Variants in PATL1 observed in about 807,000 individuals in gnomAD.
The protein encoded by PATL1 is protein PAT1 homolog 1.
A neutral mutation model predicts 100.6 loss-of-function variants in PATL1; 32 were observed. That is an observed-to-expected ratio of 0.32 (90% CI 0.24 to 0.43). PATL1 has a LOEUF of 0.43. Among genes scored for constraint, PATL1 ranks in the 20% least tolerant of loss-of-function variants. The pLI is 1.00. For synonymous variants in PATL1, 332 were observed against 330.0 expected (o/e 1.01, Z -0.07); for missense variants, 747 against 949.9 (o/e 0.79, Z 2.81).
At chr11:59,652,064 CAAAAAAAAAAAAAAAAA>C (rs748019832) in intron 11 of PATL1, among the ~76,000 whole-genome samples, 5,089 of 53,264 alleles carry the variant, frequency 0.096, 252 homozygotes, top group Non-Finnish European at 0.094. Flanking sequence ...GGCTCTTTCT[CAAAAAAAAAAAAAAAAA>C]AAAAAAAAAA....
At chr11:59,650,002 T>A (rs1413676268) in intron 13 of PATL1, among the ~76,000 whole-genome samples, 3 of 151,788 alleles carry the variant, frequency 2.0e-5, no homozygotes, top group Non-Finnish European at 4.4e-5. Context: ...ATGCCTATAA[T>A]CCCAGCTACG....
At chr11:59,650,932 G>T in intron 12 of PATL1, 119 bp from the exon 13 acceptor site, 2 of 717,242 alleles carry the variant, frequency 2.8e-6, no homozygotes, top group Non-Finnish European at 4.5e-6. Context: ...TTCTCTGAAA[G>T]TTAATAATCT....
At position 59,652,144 on chromosome 11, in the gene PATL1, T is replaced by G. The variant is rs886172539; in HGVS notation, c.1426+320A>C. ...GCAACCCCTTATCAAAATCTATCCTTTCTCTCTGTTACAATAATTATCACA... is the reference window on the plus strand; with the variant it reads ...GCAACCCCTTATCAAAATCTATCCTGTCTCTCTGTTACAATAATTATCACA... On this transcript the variant is annotated intron_variant, in intron 11 of 18. Coordinates refer to ENST00000300146, the MANE Select transcript of PATL1 (RefSeq NM_152716.3). Among the ~76,000 whole-genome samples the G allele has an allele frequency of 8.4e-4, 5 of 5,986 alleles. No individual in the cohort carries two copies. The African/African-American group carries it at 0.012, about 14-fold the overall frequency. 3.9% of individuals were successfully genotyped at this position (5,986 alleles called of 152,430 possible). A position where few individuals can be genotyped will look rare whatever the true frequency, so the allele number is the denominator to read the frequency against.
chr11:59,655,036 T>A (rs1382705133), intron 8 of PATL1, among the ~76,000 whole-genome samples: 1 of 152,210 alleles, frequency 6.6e-6, no homozygotes, highest in Non-Finnish European at 1.5e-5. Context: ...TTTTACCTGT[T>A]TCTTGCCTGC....
chr11:59,645,205 C>A (rs1237181772), intron 15 of PATL1, among the ~76,000 whole-genome samples: 1 of 119,472 alleles, frequency 8.4e-6, no homozygotes, highest in Non-Finnish European at 1.7e-5. Context: ...CGGCAACCAT[C>A]CGATTTCTCA....
Position 59,639,387 on chromosome 11 carries a change from C to T in PATL1, c.2050-4G>A, listed in dbSNP as rs76129882. 0.043 allele frequency: 66,437 copies of T among 1,548,460 alleles called. 1,658 individuals carry two copies. The highest frequency in any genetic ancestry group is 0.05 in the Non-Finnish European group (56,720 of 1,145,808). On this transcript the variant is annotated splice_polypyrimidine_tract_variant and splice_region_variant and intron_variant, in intron 16 of 18. Coordinates refer to ENST00000300146, the MANE Select transcript of PATL1 (RefSeq NM_152716.3). ...TGAGGAGCAGTGACAGGCCAAACTA[C>T]GAGAAAAGACAGAGGGAATCAAACT...
chr11:59,650,866 T>C, intron 12 of PATL1, 53 bp from the exon 13 acceptor site: 1 of 1,250,786 alleles, frequency 8.0e-7, no homozygotes. Flanking sequence ...TTAAAATAAT[T>C]TACCAAGTGC....
intron 14 of PATL1, 122 bp downstream of exon 14, chr11:59,649,340 G>T: frequency 1.0e-6 from 1 of 982,526 alleles, no homozygotes; most frequent in Non-Finnish European, 1.5e-6. Flanking sequence ...AGGCTAAAAG[G>T]ATAGATTCTG....
intron 6 of PATL1, among the ~76,000 whole-genome samples, 155 bp downstream of exon 6, chr11:59,656,344 C>T (rs2134753976): frequency 6.6e-6 from 1 of 152,124 alleles, no homozygotes; most frequent in Admixed American, 6.5e-5. Flanking sequence ...GTCCTCTGAC[C>T]TGGGGACAAT....
intron 15 of PATL1, among the ~76,000 whole-genome samples, chr11:59,644,199 T>C (rs1861328566): frequency 6.6e-6 from 1 of 152,210 alleles, no homozygotes; most frequent in African/African-American, 2.4e-5. Flanking sequence ...ATTATCAACA[T>C]TTTGCCAATC....
chr11:59,655,381 C>G lies in PATL1; in HGVS notation c.1031+142G>C, dbSNP rs2099433222. ...ACAAGAAAGCCTGGAGATTGTCAAACATTTCCATGTTTGCCAACTTGAGGA... is the reference window on the plus strand; with the variant it reads ...ACAAGAAAGCCTGGAGATTGTCAAAGATTTCCATGTTTGCCAACTTGAGGA... On this transcript the variant is annotated intron_variant, in intron 8 of 18. Coordinates refer to ENST00000300146, the MANE Select transcript of PATL1 (RefSeq NM_152716.3). 4 of 794,936 alleles carry G rather than the reference C, an allele frequency of 5.0e-6. No homozygotes were observed. The South Asian group carries it at 7.9e-5, about 16-fold the overall frequency. The allele number at this position is 794,936 out of a possible 1,614,324, so 49.2% of individuals were successfully genotyped here.
At chr11:59,655,783 T>A (rs950519057) in intron 7 of PATL1, 43 bp from the exon 8 acceptor site, 5 of 1,499,182 alleles carry the variant, frequency 3.3e-6, no homozygotes, top group Non-Finnish European at 4.6e-6. Context: ...AATCAGCAAG[T>A]CCCCTTGCTT....
chr11:59,639,350 G>T lies in PATL1; in HGVS notation c.2083C>A (p.Arg695Ser), dbSNP rs201608276. 1.9e-6 allele frequency: 3 copies of T among 1,550,410 alleles called. No homozygotes were observed. The highest frequency in any genetic ancestry group is 2.6e-6 in the Non-Finnish European group (3 of 1,147,014). The change falls in exon 17 of 19, where the codon CGT becomes AGT. Residue 695 changes from arginine (R) to serine (S), a missense_variant. Physicochemically the swap from Arg to Ser is moderately radical, Grantham distance 110. Transcript: ENST00000300146. The stretch of plus-strand genomic sequence containing the variant: ...TCTGAACTCTGTAGGTCTTCACCAC[G>T]GCTCAGGAGGATGAGGAGCAGTGAC... Reference protein sequence around the residue: ...GLSLLLILLSRGEDLQSSDPA... With the variant: ...GLSLLLILLSSGEDLQSSDPA...
At chr11:59,650,647 A>T in intron 13 of PATL1, 107 bp downstream of exon 13, 1 of 770,754 alleles carries the variant, frequency 1.3e-6, no homozygotes, top group Non-Finnish European at 2.0e-6. Flanking sequence ...TTCATGAATT[A>T]AAACCAAAGA....
chr11:59,653,979 T>C lies in PATL1; in HGVS notation c.1121+4A>G. ...AGCCATAAAGGAATCGGATGAGTAC[T>C]TACCTTCTATTCTGTTGCTGTCTCT... is the stretch of plus-strand genomic sequence containing the variant. On this transcript the variant is annotated splice_donor_region_variant and intron_variant, in intron 9 of 18. Coordinates refer to ENST00000300146, the MANE Select transcript of PATL1 (RefSeq NM_152716.3). 1 of 1,605,854 alleles carries C rather than the reference T, an allele frequency of 6.2e-7. No individual in the cohort carries two copies. The highest frequency in any genetic ancestry group is 8.5e-7 in the Non-Finnish European group (1 of 1,172,464).
intron 14 of PATL1, among the ~76,000 whole-genome samples, chr11:59,648,515 TAAA>T (rs72322672): frequency 7.7e-6 from 1 of 130,184 alleles, no homozygotes; most frequent in Non-Finnish European, 1.7e-5. Context: ...AGCAACAGCT[TAAA>T]AAAAAAAAAA....
chr11:59,656,464 T>A, intron 6 of PATL1, 35 bp downstream of exon 6: 1 of 1,535,956 alleles, frequency 6.5e-7, no homozygotes, highest in Non-Finnish European at 9.0e-7. Context: ...AGAAAATACA[T>A]ACTGCACATT....
Position 59,652,938 on chromosome 11 carries a change from T to C in PATL1, c.1202A>G (p.Tyr401Cys), listed in dbSNP as rs779272896. The change falls in exon 10 of 19, where the codon TAT (tyrosine) becomes TGT (cysteine). Residue 401 changes from tyrosine (Y) to cysteine (C), a missense_variant. Tyr to Cys is a radical substitution (Grantham distance 194). Around this residue, in one of 4 missense-constraint regions of PATL1, gnomAD observed 434 missense variants for 596.1 expected, o/e 0.73. Coordinates refer to ENST00000300146, the MANE Select transcript of PATL1 (RefSeq NM_152716.3). The part of the protein sequence containing the change: ...SHQDHLRKDP[Y>C]ANLMLQREKD... ...TTCCCGCTGCAACATGAGATTGGCA[T>C]ATGGATCCTTTCGGAGATGATCTTG... The C allele has an allele frequency of 5.0e-6, 8 of 1,613,888 alleles. No individual in the cohort carries two copies. The highest frequency in any genetic ancestry group is 5.9e-6 in the Non-Finnish European group (7 of 1,179,886).
intron 16 of PATL1, among the ~76,000 whole-genome samples, chr11:59,642,196 TC>T (rs1861292174): frequency 1.3e-5 from 2 of 152,346 alleles, no homozygotes; most frequent in Middle Eastern, 3.4e-3. Context: ...AAATTCATAT[TC>T]TTTATTTCAT....
Sources: gnomAD v4.1 joint callset for allele counts (sites outside exome capture counted in the v4.1 genomes callset) on GRCh38, gnomAD v4.1.1 for gene constraint, gnomAD v4.1.1 regional missense constraint, MANE v1.5 for transcripts, NCBI Gene and HGNC (gene_info 2026-07-23, HGNC 2026-07-21) for gene names.